Variants in PARPBP observed in about 807,000 individuals in gnomAD.
PARPBP encodes the protein PARP1 binding protein, also known as PCNA-interacting partner.
In PARPBP, 52 loss-of-function variants were observed where a neutral mutation model predicts 50.0. The observed-to-expected ratio is 1.04, with a 90% CI of 0.83 to 1.31. The LOEUF (loss-of-function observed/expected upper bound fraction) is 1.31. Ranked by LOEUF, PARPBP falls within the 50% of genes most tolerant of loss-of-function variation. The probability of loss-of-function intolerance (pLI) is 0.00; values close to 1 mark genes in which losing one functional copy is unlikely to be tolerated. For missense variants in PARPBP, 697 were observed against 672.0 expected (o/e 1.04, Z -0.41); for synonymous variants, 244 against 232.1 (o/e 1.05, Z -0.47).
At chr12:102,123,818 A>T (rs1414443557) in intron 1 of PARPBP, 68 bp from the exon 2 acceptor site, 3 of 1,048,868 alleles carry the variant, frequency 2.9e-6, no homozygotes, top group Non-Finnish European at 4.2e-6. Flanking sequence ...GTGCTTGCCT[A>T]TACATGTTAA....
At chr12:102,151,163 C>T (rs573825358) in intron 3 of PARPBP, among the ~76,000 whole-genome samples, 1 of 152,244 alleles carries the variant, frequency 6.6e-6, no homozygotes, top group Non-Finnish European at 1.5e-5. Flanking sequence ...ATGACAGCAA[C>T]TTGAATACGT....
chr12:102,165,697 G>T (rs751572788), intron 5 of PARPBP, 32 bp from the exon 6 acceptor site: 2 of 1,537,122 alleles, frequency 1.3e-6, no homozygotes, highest in Non-Finnish European at 1.8e-6. Flanking sequence ...TAAATCACTG[G>T]ACATAACTTA....
chr12:102,161,131 A>G (rs936898191), intron 4 of PARPBP, among the ~76,000 whole-genome samples: 1 of 151,932 alleles, frequency 6.6e-6, no homozygotes, highest in Non-Finnish European at 1.5e-5. Flanking sequence ...CTTTGGAGAC[A>G]GTCTCATTCT....
chr12:102,177,970 C>T (rs948790995), intron 7 of PARPBP, among the ~76,000 whole-genome samples: 1 of 152,186 alleles, frequency 6.6e-6, no homozygotes, highest in African/African-American at 2.4e-5. Context: ...TTCTTTTGTA[C>T]TCCCACTGCA....
At chr12:102,141,411 C>G (rs1294616346) in intron 2 of PARPBP, among the ~76,000 whole-genome samples, 1 of 152,096 alleles carries the variant, frequency 6.6e-6, no homozygotes, top group Admixed American at 6.6e-5. Flanking sequence ...CTGAATACAG[C>G]ACACTGATGG....
chr12:102,144,154 A>G (rs145178086), intron 2 of PARPBP, among the ~76,000 whole-genome samples: 228 of 152,328 alleles, frequency 1.5e-3, no homozygotes, highest in Middle Eastern at 6.8e-3. Context: ...TAGTGCTCTT[A>G]AGTAGACCTA....
At chr12:102,154,260 CT>C (rs1468317264) in intron 4 of PARPBP, among the ~76,000 whole-genome samples, 1 of 152,104 alleles carries the variant, frequency 6.6e-6, no homozygotes, top group Non-Finnish European at 1.5e-5. Context: ...TTCTTTGACT[CT>C]CTTTGGTAAA....
At chr12:102,177,807 G>A (rs186996937) in intron 7 of PARPBP, among the ~76,000 whole-genome samples, 6 of 152,130 alleles carry the variant, frequency 3.9e-5, no homozygotes. Context: ...GATATACAAA[G>A]TTTCCCAGGC....
intron 8 of PARPBP, 138 bp from the exon 9 acceptor site, chr12:102,182,411 G>A: frequency 1.6e-6 from 1 of 618,386 alleles, no homozygotes; most frequent in Non-Finnish European, 2.9e-6. Context: ...TTTATGATGA[G>A]TTTATCTGGG....
At position 102,197,321 on chromosome 12, in the gene PARPBP, A is replaced by C. The variant is rs1022588215; in HGVS notation, c.*1030A>C. On this transcript the variant is annotated 3_prime_UTR_variant, in exon 11 of 11. Coordinates refer to ENST00000327680, the MANE Select transcript of PARPBP (RefSeq NM_017915.5). ...ACCTTAGATGCAAATTTATAGGAGA[A>C]AAAACACTTTCAGATAAGAGGTGTT... 11 of 837,550 alleles carry C rather than the reference A, an allele frequency of 1.3e-5. No homozygotes were observed. Among genetic ancestry groups the C allele is most frequent in the Non-Finnish European group, 2.0e-5 (11 of 550,096 alleles). The allele number at this position is 837,550 out of a possible 1,614,324, so 51.9% of individuals were successfully genotyped here. A position where few individuals can be genotyped will look rare whatever the true frequency, so the allele number is the denominator to read the frequency against.
Position 102,131,181 on chromosome 12 carries a change from C to T in PARPBP, c.153+7140C>T, listed in dbSNP as rs186868248. On this transcript the variant is annotated intron_variant, in intron 2 of 10. Coordinates refer to ENST00000327680, the MANE Select transcript of PARPBP (RefSeq NM_017915.5). ...CTCTACTAAAATTACAAAAATTAGCCGGGTGTGGTGGCATGCACCTGTATT... is the reference window on the plus strand; with the variant it reads ...CTCTACTAAAATTACAAAAATTAGCTGGGTGTGGTGGCATGCACCTGTATT... Among the ~76,000 whole-genome samples the T allele has an allele frequency of 3.0e-3, 450 of 152,100 alleles. 1 individual carries two copies. Among genetic ancestry groups the T allele is most frequent in the Non-Finnish European group, 5.2e-3 (353 of 67,978 alleles).
chr12:102,146,334 AACCAAAACAGCATGGTACTGGT>A (rs1378435550), intron 2 of PARPBP, among the ~76,000 whole-genome samples: 1 of 152,212 alleles, frequency 6.6e-6, no homozygotes, highest in Non-Finnish European at 1.5e-5. Context: ...AGGCTACAGT[AACCAAAACAGCATGGTACTGGT>A]ACCAAAACAG....
Position 102,195,355 on chromosome 12 carries a change from A to G in PARPBP, c.1307A>G (p.Lys436Arg). 4 of 1,586,348 alleles carry G rather than the reference A, an allele frequency of 2.5e-6. No homozygotes were observed. The highest frequency in any genetic ancestry group is 3.5e-6 in the Non-Finnish European group (4 of 1,159,206). The change falls in exon 10 of 11, where the codon AAA (lysine) becomes AGA (arginine). Residue 436 changes from lysine (K) to arginine (R), a missense_variant. Transcript: ENST00000327680. ...AGATCCCAATTTGCTTGTACTTATA[A>G]AGATGACTACATGATAAGCAAGGAT... The part of the protein sequence containing the change: ...LIRSQFACTY[K>R]DDYMISKDNW...
At chr12:102,192,932 T>C (rs1174462857) in intron 9 of PARPBP, among the ~76,000 whole-genome samples, 1 of 151,312 alleles carries the variant, frequency 6.6e-6, no homozygotes, top group Admixed American at 6.6e-5. Context: ...AATCTCAATA[T>C]ACAAAGGGGG....
At chr12:102,130,748 G>C (rs113930783) in intron 2 of PARPBP, among the ~76,000 whole-genome samples, 6 of 151,638 alleles carry the variant, frequency 4.0e-5, no homozygotes, top group African/African-American at 1.5e-4. Context: ...CCAGCTACTC[G>C]GGAGACTGAG....
At chr12:102,147,388 GA>G (rs1565869281) in intron 2 of PARPBP, among the ~76,000 whole-genome samples, 1 of 151,970 alleles carries the variant, frequency 6.6e-6, no homozygotes, top group Non-Finnish European at 1.5e-5. Context: ...ATGCAGCCAT[GA>G]AAAATGATGA....
At chr12:102,135,827 A>C (rs1330300640) in intron 2 of PARPBP, among the ~76,000 whole-genome samples, 2 of 152,080 alleles carry the variant, frequency 1.3e-5, no homozygotes, top group Non-Finnish European at 2.9e-5. Context: ...CAGGTGGCAT[A>C]ATTTGGGGGT....
Position 102,197,444 on chromosome 12 carries a change from C to T in PARPBP, c.*1153C>T. The T allele has an allele frequency of 7.9e-7, 1 of 1,266,502 alleles. No individual in the cohort carries two copies. Among genetic ancestry groups the T allele is most frequent in the Non-Finnish European group, 1.1e-6 (1 of 912,370 alleles). The allele number at this position is 1,266,502 out of a possible 1,614,324, so 78.5% of individuals were successfully genotyped here. ...CATATACTTCTGTTTATAAAAGTAT[C>T]AGTTTTACTTTTCAGAGGATTTGTA... On this transcript the variant is annotated 3_prime_UTR_variant, in exon 11 of 11. Coordinates refer to ENST00000327680, the MANE Select transcript of PARPBP (RefSeq NM_017915.5).
chr12:102,196,870 G>C lies in PARPBP; in HGVS notation c.*579G>C, dbSNP rs1594652014. 9.0e-7 allele frequency: 1 copy of C among 1,105,518 alleles called. No individual in the cohort carries two copies. The highest frequency in any genetic ancestry group is 1.3e-6 in the Non-Finnish European group (1 of 748,208). 68.5% of individuals were successfully genotyped at this position (1,105,518 alleles called of 1,614,324 possible). A position where few individuals can be genotyped will look rare whatever the true frequency, so the allele number is the denominator to read the frequency against. On this transcript the variant is annotated 3_prime_UTR_variant, in exon 11 of 11. Coordinates refer to ENST00000327680, the MANE Select transcript of PARPBP (RefSeq NM_017915.5). ...TTTTGGCAGGTGTAATTGAGCCATG[G>C]TCTTATTTGATTTTGTTATGATTGC...
Sources: allele counts gnomAD v4.1 joint callset (sites outside exome capture counted in the v4.1 genomes callset), GRCh38; gene constraint gnomAD v4.1.1; transcripts MANE v1.5; gene names NCBI Gene and HGNC (gene_info 2026-07-23, HGNC 2026-07-21).